MAPK14: variants seen among roughly 807,000 people sequenced by gnomAD.
MAPK14 encodes mitogen-activated protein kinase 14, also known as CSAID-binding protein.
MAPK14 carries 16 observed loss-of-function variants against 49.6 expected under a neutral mutation model. That is an observed-to-expected ratio of 0.32 (90% CI 0.22 to 0.49). The LOEUF is 0.49. Ranked by LOEUF, MAPK14 falls within the 20% of genes least tolerant of loss-of-function variation. The pLI is 0.99. For missense variants in MAPK14, 200 were observed against 441.2 expected (o/e 0.45, Z 4.90); for synonymous variants, 142 against 158.0 (o/e 0.90, Z 0.76).
At chr6:36,044,631 T>TG (rs1411946969) in intron 1 of MAPK14, among the ~76,000 whole-genome samples, 4 of 151,996 alleles carry the variant, frequency 2.6e-5, no homozygotes, top group Non-Finnish European at 5.9e-5. Context: ...CCCAAACACT[T>TG]TGAGAGGCTG....
Position 36,085,524 on chromosome 6 carries a change from A to G in MAPK14, c.682+8916A>G, listed in dbSNP as rs551904933. 3.9e-5 allele frequency among the ~76,000 whole-genome samples: 6 copies of G among 152,306 alleles called. No homozygotes were observed. The South Asian group carries it at 1.0e-3, about 26-fold the overall frequency. On this transcript the variant is annotated intron_variant, in intron 8 of 11. Transcript: ENST00000229794. ...AGAAAAAAGCAGGGGTTGCAATCCT[A>G]TTTTCTGACAAAACAGACTTTGAAC...
intron 1 of MAPK14, among the ~76,000 whole-genome samples, chr6:36,042,567 C>T (rs1168020740): frequency 6.7e-6 from 1 of 148,534 alleles, no homozygotes; most frequent in Non-Finnish European, 1.5e-5. Flanking sequence ...CAATGGCTCA[C>T]TGCAGCCTTG....
intron 3 of MAPK14, among the ~76,000 whole-genome samples, chr6:36,065,510 G>GTGTGTGTGTGTC (rs1764016911): frequency 1.6e-5 from 2 of 123,034 alleles, no homozygotes; most frequent in African/African-American, 5.8e-5. Context: ...CAGAAAAGGT[G>GTGTGTGTGTGTC]TGTGTGTGTG....
In MAPK14 at chr6:36,110,911, T is replaced by G. The variant is rs771261822; in HGVS notation, c.*2464T>G. 1.3e-5 allele frequency: 2 copies of G among 152,248 alleles called. No individual in the cohort carries two copies. The highest frequency in any genetic ancestry group is 2.4e-5 in the African/African-American group (1 of 41,468). 9.4% of individuals were successfully genotyped at this position (152,248 alleles called of 1,614,324 possible). A position where few individuals can be genotyped will look rare whatever the true frequency, so the allele number is the denominator to read the frequency against. On this transcript the variant is annotated 3_prime_UTR_variant, in exon 12 of 12. Transcript: ENST00000229794. The stretch of plus-strand genomic sequence containing the variant: ...ATTTAGAAAATGTTGATAAAGCTTC[T>G]TAGTTGTACATTTTTTGGTGAAGAG...
chr6:36,108,844 CCTTGACGGTGGGGCGTAGA>C lies in MAPK14; in HGVS notation c.*404_*422del, dbSNP rs1765881140. 9.0e-6 allele frequency: 2 copies of C among 221,470 alleles called. No individual in the cohort carries two copies. Among genetic ancestry groups the C allele is most frequent in the South Asian group, 6.1e-5 (1 of 16,420 alleles). 13.7% of individuals were successfully genotyped at this position (221,470 alleles called of 1,614,324 possible). On this transcript the variant is annotated 3_prime_UTR_variant, in exon 12 of 12. Coordinates refer to ENST00000229794, the MANE Select transcript of MAPK14 (RefSeq NM_139012.3). ...CACTTTGGCTTCTCCTGTGACCCCACCTTGACGGTGGGGCGTAGACTTGACAACATCCCACAGTGGCACG... is the reference window on the plus strand; with the variant it reads ...CACTTTGGCTTCTCCTGTGACCCCACCTTGACAACATCCCACAGTGGCACG...
At position 36,058,641 on chromosome 6, in the gene MAPK14, G is replaced by A. The variant is rs954163195; in HGVS notation, c.247-648G>A. On this transcript the variant is annotated intron_variant, in intron 2 of 11. Coordinates refer to ENST00000229794, the MANE Select transcript of MAPK14 (RefSeq NM_139012.3). The stretch of plus-strand genomic sequence containing the variant: ...TGGCTGGCCGTGGTGGCTCACTGCT[G>A]TAATGCCAGCACTTTGGGATGCTGA... Among the ~76,000 whole-genome samples, 6 of 152,308 alleles carry A rather than the reference G, an allele frequency of 3.9e-5. No individual in the cohort carries two copies. In the East Asian group the frequency reaches 1.2e-3, roughly 29 times the overall value.
intron 8 of MAPK14, 89 bp from the exon 9 acceptor site, chr6:36,095,898 G>A: frequency 7.3e-6 from 6 of 816,438 alleles, no homozygotes; most frequent in Non-Finnish European, 1.2e-5. Context: ...TTCTCGGTGT[G>A]TTCTGTTTGT....
chr6:36,088,794 A>G (rs897812554), intron 8 of MAPK14, among the ~76,000 whole-genome samples: 10 of 152,214 alleles, frequency 6.6e-5, no homozygotes, highest in Non-Finnish European at 2.9e-5. Context: ...TACAGCCAAC[A>G]AACATGAAAA....
At position 36,108,555 on chromosome 6, in the gene MAPK14, A is replaced by C; in HGVS notation, c.*108A>C. ...GCCTCTTGTTGCAGAGATTTCCTCCATGGTGGAAGGGGGTGTGCGTGCGTG... is the reference window on the plus strand; with the variant it reads ...GCCTCTTGTTGCAGAGATTTCCTCCCTGGTGGAAGGGGGTGTGCGTGCGTG... On this transcript the variant is annotated 3_prime_UTR_variant, in exon 12 of 12. Transcript: ENST00000229794. The C allele has an allele frequency of 1.1e-6, 1 of 917,680 alleles. No homozygotes were observed. The highest frequency in any genetic ancestry group is 1.8e-6 in the Non-Finnish European group (1 of 556,836). 56.8% of individuals were successfully genotyped at this position (917,680 alleles called of 1,614,324 possible).
intron 8 of MAPK14, among the ~76,000 whole-genome samples, chr6:36,093,109 G>A (rs182552011): frequency 2.3e-4 from 35 of 152,292 alleles, no homozygotes; most frequent in African/African-American, 6.7e-4. Context: ...GACGGGAGAA[G>A]GGGGAGGTAT....
Position 36,108,497 on chromosome 6 carries a change from T to C in MAPK14, c.*50T>C. On this transcript the variant is annotated 3_prime_UTR_variant, in exon 12 of 12. Transcript: ENST00000229794. Reference sequence around the variant, plus strand: ...CCCACTTCACTGTGAGGGGAAGGCCTTTTCACGGGAACTCTCCAAATATTA... The same window carrying C: ...CCCACTTCACTGTGAGGGGAAGGCCCTTTCACGGGAACTCTCCAAATATTA... 1 of 1,413,430 alleles carries C rather than the reference T, an allele frequency of 7.1e-7. No individual in the cohort carries two copies. The highest frequency in any genetic ancestry group is 1.0e-6 in the Non-Finnish European group (1 of 997,060). 87.6% of individuals were successfully genotyped at this position (1,413,430 alleles called of 1,614,324 possible).
intron 3 of MAPK14, among the ~76,000 whole-genome samples, chr6:36,070,839 C>T (rs892925274): frequency 2.0e-5 from 3 of 152,004 alleles, no homozygotes; most frequent in Non-Finnish European, 4.4e-5. Flanking sequence ...AGAGGTCACA[C>T]ACACACACGT....
intron 8 of MAPK14, among the ~76,000 whole-genome samples, chr6:36,085,144 C>T (rs977743074): frequency 6.6e-6 from 1 of 152,122 alleles, no homozygotes; most frequent in African/African-American, 2.4e-5. Context: ...ACCACCAGGC[C>T]TGTCTTGCAA....
chr6:36,106,103 A>G (rs545915007), intron 10 of MAPK14, among the ~76,000 whole-genome samples: 2 of 152,356 alleles, frequency 1.3e-5, no homozygotes, highest in African/African-American at 4.8e-5. Context: ...CCAGTGATCA[A>G]TTTTAGCTCA....
chr6:36,102,822 A>C, intron 10 of MAPK14, 173 bp downstream of exon 10: 1 of 1,096,950 alleles, frequency 9.1e-7, no homozygotes, highest in Non-Finnish European at 1.3e-6. Flanking sequence ...TTTTTTAATC[A>C]CATGAGATGA....
In MAPK14 at chr6:36,059,466, C is replaced by A. The variant is rs911388710; in HGVS notation, c.305+119C>A. ...CAAAAAATTCTTTATTCCTATCATG[C>A]ACCTCTTTTTGGGTGTAGGGATGGA... On this transcript the variant is annotated intron_variant, in intron 3 of 11. Coordinates refer to ENST00000229794, the MANE Select transcript of MAPK14 (RefSeq NM_139012.3). The A allele has an allele frequency of 2.2e-5, 16 of 738,468 alleles. 1 individual carries two copies. Among genetic ancestry groups the A allele is most frequent in the Non-Finnish European group, 3.8e-5 (16 of 421,848 alleles). 45.7% of individuals were successfully genotyped at this position (738,468 alleles called of 1,614,324 possible).
rs551527704 is a variant in MAPK14 at position 36,099,250 on chromosome 6, A to G, written c.762+3184A>G. ...AAAGGGGTTTATTGAATTACATTGA[A>G]TATTTTTAAAATCTCATCACTTCTG... On this transcript the variant is annotated intron_variant, in intron 9 of 11. Transcript: ENST00000229794. Among the ~76,000 whole-genome samples the G allele has an allele frequency of 3.3e-5, 5 of 152,390 alleles. No homozygotes were observed. In the East Asian group the frequency reaches 9.6e-4, roughly 29 times the overall value.
intron 3 of MAPK14, among the ~76,000 whole-genome samples, chr6:36,066,014 A>T (rs1469268437): frequency 6.6e-6 from 1 of 152,188 alleles, no homozygotes. Context: ...ACAGGGTCTT[A>T]TGCTTATGAG....
intron 3 of MAPK14, among the ~76,000 whole-genome samples, chr6:36,072,309 A>C (rs538379103): frequency 7.9e-5 from 12 of 152,146 alleles, no homozygotes; most frequent in African/African-American, 2.6e-4. Flanking sequence ...CCACTGCATG[A>C]CAGAGCATGA....
Sources: gnomAD v4.1 joint callset for allele counts (sites outside exome capture counted in the v4.1 genomes callset) on GRCh38, gnomAD v4.1.1 for gene constraint, MANE v1.5 for transcripts, NCBI Gene and HGNC (gene_info 2026-07-23, HGNC 2026-07-21) for gene names.